The following DNAH8 variants were observed in gnomAD, a reference collection of about 807,000 sequenced individuals.
The protein encoded by DNAH8 is dynein axonemal heavy chain 8, also known as axonemal beta dynein heavy chain 8.
DNAH8 carries 382 observed loss-of-function variants against 562.1 expected under a neutral mutation model. The observed-to-expected ratio is 0.68, with a 90% CI of 0.63 to 0.74. The LOEUF is 0.74. Among genes scored for constraint, DNAH8 ranks in the 30% least tolerant of loss-of-function variants. The probability of loss-of-function intolerance (pLI) is 0.00; values close to 1 mark genes in which losing one functional copy is unlikely to be tolerated. For missense variants in DNAH8, 5,203 were observed against 5,620.4 expected (o/e 0.93, Z 2.37); for synonymous variants, 1,881 against 1,919.4 (o/e 0.98, Z 0.52).
intron 53 of DNAH8, among the ~76,000 whole-genome samples, chr6:38,880,798 C>G (rs1437715795): frequency 6.6e-6 from 1 of 152,154 alleles, no homozygotes; most frequent in South Asian, 2.1e-4. Flanking sequence ...GAGGCCAAGG[C>G]GAGTAGATCA....
intron 26 of DNAH8, among the ~76,000 whole-genome samples, chr6:38,817,134 G>A (rs902197770): frequency 2.6e-5 from 4 of 152,158 alleles, no homozygotes; most frequent in African/African-American, 7.2e-5. Context: ...TCTTAGGTCA[G>A]GAGTTTGATA....
At chr6:38,769,306 G>A (rs1023319984) in intron 11 of DNAH8, among the ~76,000 whole-genome samples, 1 of 152,126 alleles carries the variant, frequency 6.6e-6, no homozygotes, top group Non-Finnish European at 1.5e-5. Context: ...TGCCATGGTG[G>A]TTTGCTGCAC....
intron 27 of DNAH8, 83 bp from the exon 28 acceptor site, chr6:38,823,479 T>G (rs1773056859): frequency 1.8e-6 from 2 of 1,089,696 alleles, no homozygotes; most frequent in Admixed American, 3.8e-5. Context: ...TAAATGTGTA[T>G]GAGCAAATGC....
intron 72 of DNAH8, 145 bp downstream of exon 72, chr6:38,923,330 A>G: frequency 1.1e-6 from 1 of 936,482 alleles, no homozygotes; most frequent in Non-Finnish European, 1.5e-6. Flanking sequence ...GAAATACTAT[A>G]GAGGGTGAAG....
At chr6:39,004,856 A>G (rs1326013893) in intron 88 of DNAH8, among the ~76,000 whole-genome samples, 1 of 152,230 alleles carries the variant, frequency 6.6e-6, no homozygotes, top group Non-Finnish European at 1.5e-5. Flanking sequence ...TGTAGCGTAT[A>G]TTAATACTTC....
At chr6:38,848,525 C>G (rs1775478135) in intron 36 of DNAH8, 123 bp from the exon 37 acceptor site, 2 of 723,628 alleles carry the variant, frequency 2.8e-6, no homozygotes, top group South Asian at 3.9e-5. Context: ...CTATTAGGAA[C>G]TGCCCTTTAA....
intron 47 of DNAH8, among the ~76,000 whole-genome samples, chr6:38,867,587 A>AC (rs1157313735): frequency 7.7e-6 from 1 of 130,124 alleles, no homozygotes; most frequent in Non-Finnish European, 1.7e-5. Context: ...TACTAAAAAT[A>AC]CAAAAAAAAA....
At chr6:38,914,352 C>T (rs1208964315) in intron 67 of DNAH8, among the ~76,000 whole-genome samples, 1 of 149,098 alleles carries the variant, frequency 6.7e-6, no homozygotes, top group Non-Finnish European at 1.5e-5. Flanking sequence ...AATCCATACT[C>T]CTCTCAAGGA....
In DNAH8 at chr6:38,883,582, G is replaced by A. The variant is rs535211420; in HGVS notation, c.8136+126G>A. The A allele has an allele frequency of 1.4e-5, 16 of 1,104,004 alleles. No individual in the cohort carries two copies. The African/African-American group carries it at 2.6e-4, about 18-fold the overall frequency. The allele number at this position is 1,104,004 out of a possible 1,614,324, so 68.4% of individuals were successfully genotyped here. ...TTCAAAAGAAATCATGCTGCACTTG[G>A]CATTCAGCTGTTTAGCTTTCCTAAG... is the stretch of plus-strand genomic sequence containing the variant. On this transcript the variant is annotated intron_variant, in intron 55 of 92. Coordinates refer to ENST00000327475, the MANE Select transcript of DNAH8 (RefSeq NM_001206927.2).
intron 13 of DNAH8, 41 bp from the exon 14 acceptor site, chr6:38,778,347 T>A: frequency 8.6e-7 from 1 of 1,164,134 alleles, no homozygotes; most frequent in Non-Finnish European, 1.3e-6. Flanking sequence ...ACCAATCTCT[T>A]TAACACCAAA....
chr6:38,765,084 C>A (rs143510313), intron 11 of DNAH8, among the ~76,000 whole-genome samples: 1 of 152,344 alleles, frequency 6.6e-6, no homozygotes, highest in South Asian at 2.1e-4. Context: ...GATCCTCCTG[C>A]CTCAGCCTCC....
At chr6:38,774,338 C>A (rs1011088970) in intron 12 of DNAH8, among the ~76,000 whole-genome samples, 1 of 151,976 alleles carries the variant, frequency 6.6e-6, no homozygotes, top group Admixed American at 6.6e-5. Flanking sequence ...CACAGCAAGT[C>A]GAGAACTGGA....
chr6:38,944,614 C>A (rs1208029579), intron 79 of DNAH8, among the ~76,000 whole-genome samples: 1 of 152,194 alleles, frequency 6.6e-6, no homozygotes, highest in Admixed American at 6.5e-5. Context: ...TAAATATCAT[C>A]ATGTATTTCA....
Position 39,030,216 on chromosome 6 carries a change from C to T in DNAH8, c.13948C>T (p.His4650Tyr). 1.2e-6 allele frequency: 2 copies of T among 1,614,116 alleles called. No homozygotes were observed. Among genetic ancestry groups the T allele is most frequent in the Non-Finnish European group, 1.7e-6 (2 of 1,180,016 alleles). Residue 4650 changes from histidine to tyrosine, a missense_variant, in exon 93 of 93, where the codon CAC becomes TAC. By Grantham distance (83) the His-to-Tyr change is moderately conservative. This residue lies in a region of DNAH8 where 1,399 missense variants were observed against 1,518.4 expected (regional missense o/e 0.92). Transcript: ENST00000327475. ...ACTCTTCACGCAGTTACCCGTGCTCCACATCTTTGCCATTAACTCCACGGC... is the reference window on the plus strand; with the variant it reads ...ACTCTTCACGCAGTTACCCGTGCTCTACATCTTTGCCATTAACTCCACGGC... Reference protein sequence around the residue: ...KVLFTQLPVLHIFAINSTAPK... With the variant: ...KVLFTQLPVLYIFAINSTAPK...
chr6:39,025,151 CAT>C (rs1471082673), intron 91 of DNAH8, among the ~76,000 whole-genome samples: 2 of 152,200 alleles, frequency 1.3e-5, no homozygotes, highest in African/African-American at 2.4e-5. Context: ...CTCAGCCATC[CAT>C]GTGTGTGTGT....
Position 38,868,096 on chromosome 6 carries a change from C to A in DNAH8, c.6728C>A (p.Ser2243Tyr). The A allele has an allele frequency of 6.2e-7, 1 of 1,613,048 alleles. No homozygotes were observed. Among genetic ancestry groups the A allele is most frequent in the South Asian group, 1.1e-5 (1 of 90,762 alleles). The part of the protein sequence containing the change: ...HYDFGLRNIL[S>Y]VLRTLGSQKR... ...GACTTTGGATTGAGAAATATTCTGT[C>A]TGTATTGAGGACTCTTGGATCTCAA... The change falls in exon 48 of 93, where the codon TCT becomes TAT. Residue 2243 changes from serine to tyrosine, a missense_variant. By Grantham distance (144) the Ser-to-Tyr change is moderately radical. Around this residue, in one of 6 missense-constraint regions of DNAH8, gnomAD observed 2,176 missense variants for 2,365.1 expected, o/e 0.92. Coordinates refer to ENST00000327475, the MANE Select transcript of DNAH8 (RefSeq NM_001206927.2).
intron 92 of DNAH8, 61 bp from the exon 93 acceptor site, chr6:39,030,044 C>A (rs1015151535): frequency 7.2e-7 from 1 of 1,384,378 alleles, no homozygotes; most frequent in Non-Finnish European, 1.0e-6. Flanking sequence ...GCCTTTATGA[C>A]TAATTTTGCA....
At chr6:38,834,445 A>C in intron 31 of DNAH8, 134 bp from the exon 32 acceptor site, 1 of 553,798 alleles carries the variant, frequency 1.8e-6, no homozygotes, top group Non-Finnish European at 3.1e-6. Context: ...TAAAAGCTTC[A>C]AGTACAGGAC....
chr6:38,837,969 T>A lies in DNAH8; in HGVS notation c.4393T>A (p.Phe1465Ile). 1 of 1,613,268 alleles carries A rather than the reference T, an allele frequency of 6.2e-7. No homozygotes were observed. Among genetic ancestry groups the A allele is most frequent in the South Asian group, 1.1e-5 (1 of 90,970 alleles). The change falls in exon 33 of 93, where the codon TTT becomes ATT. Residue 1465 changes from phenylalanine to isoleucine, a missense_variant. This residue lies in a region of DNAH8 where 2,176 missense variants were observed against 2,365.1 expected (regional missense o/e 0.92). Transcript: ENST00000327475. ...CAGTTTCGATGATCTGTGGAGGAAA[T>A]TTGTTACGTATTCATCTGGTGAACA... Reference protein sequence around the residue: ...QASFDDLWRKFVTYSSGEQLF... With the variant: ...QASFDDLWRKIVTYSSGEQLF...
Sources: gnomAD v4.1 joint callset for allele counts (sites outside exome capture counted in the v4.1 genomes callset) on GRCh38, gnomAD v4.1.1 for gene constraint, gnomAD v4.1.1 regional missense constraint, MANE v1.5 for transcripts, NCBI Gene and HGNC (gene_info 2026-07-23, HGNC 2026-07-21) for gene names.